The following PTPRN2 variants were observed in gnomAD, a reference collection of about 807,000 sequenced individuals.
The protein encoded by PTPRN2 is protein tyrosine phosphatase receptor type N2.
Under a neutral mutation model 118.8 loss-of-function variants are expected in PTPRN2, and 74 were observed. The observed-to-expected ratio is 0.62, with a 90% confidence interval of 0.52 to 0.76. PTPRN2 has a LOEUF of 0.76. Ranked by LOEUF, PTPRN2 falls within the 30% of genes least tolerant of loss-of-function variation. PTPRN2 has a pLI of 0.00. For synonymous variants in PTPRN2, 641 were observed against 608.0 expected, an observed-to-expected ratio of 1.05 and a Z score of -0.80; for missense variants, 1,481 against 1,394.4, an observed-to-expected ratio of 1.06 and a Z score of -0.99.
intron 14 of PTPRN2, among the ~76,000 whole-genome samples, chr7:157,639,200 C>T (rs1804522708): frequency 6.6e-6 from 1 of 152,040 alleles, no homozygotes; most frequent in African/African-American, 2.4e-5. Flanking sequence ...CCAAATCTAG[C>T]TAAGTTTTGT....
intron 5 of PTPRN2, among the ~76,000 whole-genome samples, chr7:158,185,453 T>C (rs1290195459): frequency 1.3e-5 from 2 of 152,212 alleles, no homozygotes. Context: ...GAGGAGAGTT[T>C]CAATCATTAA....
chr7:158,287,401 G>A (rs545179937), intron 3 of PTPRN2, among the ~76,000 whole-genome samples: 3 of 152,012 alleles, frequency 2.0e-5, no homozygotes, highest in South Asian at 2.1e-4. Context: ...ACCTTGAGGT[G>A]TAATATTAGG....
At chr7:158,329,967 C>T (rs1254161474) in intron 2 of PTPRN2, among the ~76,000 whole-genome samples, 2 of 151,584 alleles carry the variant, frequency 1.3e-5, no homozygotes, top group South Asian at 2.1e-4. Flanking sequence ...TCTTGTATGG[C>T]GACTCTCACC....
At chr7:157,667,788 G>A (rs899829234) in intron 13 of PTPRN2, among the ~76,000 whole-genome samples, 4 of 152,238 alleles carry the variant, frequency 2.6e-5, no homozygotes, top group Non-Finnish European at 5.9e-5. Flanking sequence ...AACCCAGCGC[G>A]TCCGCACCCA....
At chr7:158,042,087 G>T (rs761273005) in intron 11 of PTPRN2, among the ~76,000 whole-genome samples, 1 of 152,152 alleles carries the variant, frequency 6.6e-6, no homozygotes, top group Admixed American at 6.5e-5. Context: ...GGCTGGACAC[G>T]CACTTTCTGC....
rs970507555 is a variant in PTPRN2 at position 157,903,130 on chromosome 7, C to T, written c.1724-4393G>A. 1.3e-4 allele frequency among the ~76,000 whole-genome samples: 20 copies of T among 152,230 alleles called. No homozygotes were observed. The highest frequency in any genetic ancestry group is 7.8e-4 in the Admixed American group (12 of 15,292). Reference sequence around the variant, plus strand: ...AACCAGACATCATCAGAGAGCCACACGCTGCCACACACTCTCGCACGGAAG... The same window carrying T: ...AACCAGACATCATCAGAGAGCCACATGCTGCCACACACTCTCGCACGGAAG... On this transcript the variant is annotated intron_variant, in intron 11 of 22. Transcript: ENST00000389418. This position sits in a 1 kb window ranked among gnomAD's most constrained non-coding sequence, Gnocchi z 4.2.
At chr7:158,164,097 G>C (rs995582220) in intron 6 of PTPRN2, among the ~76,000 whole-genome samples, 3 of 152,220 alleles carry the variant, frequency 2.0e-5, no homozygotes, top group Admixed American at 6.5e-5. Context: ...CGGGAGAGTG[G>C]AGAGAGCACG....
rs1419458897 is a variant in PTPRN2 at position 157,598,688 on chromosome 7, A to C, written c.2419-3373T>G. Reference sequence around the variant, plus strand: ...ACTGTCCGTGAAAACCTGTAAATTTATTAGGTGAACGCCAAGCTGTCAGGC... The same window carrying C: ...ACTGTCCGTGAAAACCTGTAAATTTCTTAGGTGAACGCCAAGCTGTCAGGC... On this transcript the variant is annotated intron_variant, in intron 16 of 22. Transcript: ENST00000389418. The surrounding 1 kb of genome is among the most constrained non-coding windows in gnomAD (Gnocchi z 5.2). Among the ~76,000 whole-genome samples the C allele has an allele frequency of 1.3e-5, 2 of 152,198 alleles. No individual in the cohort carries two copies.
chr7:158,189,281 C>T (rs1422232102), intron 5 of PTPRN2, among the ~76,000 whole-genome samples: 1 of 152,226 alleles, frequency 6.6e-6, no homozygotes, highest in Non-Finnish European at 1.5e-5. Context: ...CGCCTTGTCC[C>T]ACAGGCAAAT....
intron 6 of PTPRN2, among the ~76,000 whole-genome samples, chr7:158,162,138 G>A (rs552207555): frequency 4.6e-5 from 7 of 152,324 alleles, no homozygotes; most frequent in South Asian, 2.1e-4. Context: ...CTGGTGGCAC[G>A]CAGAATGCAG....
At chr7:158,549,546 T>C (rs1563423515) in intron 1 of PTPRN2, among the ~76,000 whole-genome samples, 1 of 152,258 alleles carries the variant, frequency 6.6e-6, no homozygotes, top group African/African-American at 2.4e-5. Flanking sequence ...CTTTGTCTTC[T>C]CCTTTGCAAA....
intron 5 of PTPRN2, among the ~76,000 whole-genome samples, chr7:158,184,781 C>T (rs1585771976): frequency 6.6e-6 from 1 of 151,982 alleles, no homozygotes; most frequent in Non-Finnish European, 1.5e-5. Flanking sequence ...CCACTGCACT[C>T]CAGCCTGGGC....
intron 11 of PTPRN2, among the ~76,000 whole-genome samples, chr7:157,982,985 C>CA (rs1803424367): frequency 3.6e-5 from 1 of 27,512 alleles, no homozygotes; most frequent in Non-Finnish European, 7.8e-5. Flanking sequence ...GGGTCCCCCC[C>CA]AAACCCCGAG....
intron 2 of PTPRN2, among the ~76,000 whole-genome samples, chr7:158,329,700 T>A (rs1036025689): frequency 3.3e-5 from 5 of 152,196 alleles, no homozygotes; most frequent in African/African-American, 1.2e-4. Flanking sequence ...ACACTGCGTA[T>A]TATTATCCCA....
intron 2 of PTPRN2, among the ~76,000 whole-genome samples, chr7:158,350,728 C>T (rs1046344037): frequency 7.9e-5 from 12 of 152,202 alleles, no homozygotes; most frequent in African/African-American, 2.9e-4. Flanking sequence ...GGATCAGTCG[C>T]TCATCACCGG....
chr7:158,245,396 G>A (rs868839625), intron 3 of PTPRN2, among the ~76,000 whole-genome samples: 1 of 152,256 alleles, frequency 6.6e-6, no homozygotes, highest in African/African-American at 2.4e-5. Context: ...CTGGTCAAAC[G>A]GGACTGAGAG....
intron 6 of PTPRN2, among the ~76,000 whole-genome samples, chr7:158,158,397 C>G (rs575527277): frequency 6.6e-6 from 1 of 152,358 alleles, no homozygotes; most frequent in African/African-American, 2.4e-5. Flanking sequence ...GGGCACCCCA[C>G]CAGCCAACGC....
rs987281673 is a variant in PTPRN2 at position 158,525,357 on chromosome 7, C to A, written c.113-35572G>T. Among the ~76,000 whole-genome samples, 1 of 152,222 alleles carries A rather than the reference C, an allele frequency of 6.6e-6. No homozygotes were observed. Among genetic ancestry groups the A allele is most frequent in the Non-Finnish European group, 1.5e-5 (1 of 68,048 alleles). On this transcript the variant is annotated intron_variant, in intron 1 of 22. Coordinates refer to ENST00000389418, the MANE Select transcript of PTPRN2 (RefSeq NM_002847.5). This position sits in a 1 kb window ranked among gnomAD's most constrained non-coding sequence, Gnocchi z 4.1. ...GCAGAAGCTGCAGCAGAAGGTAGCACGGGCAGGATGCTAGGCCCCAGGGGC... is the reference window on the plus strand; with the variant it reads ...GCAGAAGCTGCAGCAGAAGGTAGCAAGGGCAGGATGCTAGGCCCCAGGGGC...
Position 158,189,911 on chromosome 7 carries a change from G to A in PTPRN2, c.549+2416C>T, listed in dbSNP as rs1470844545. The stretch of plus-strand genomic sequence containing the variant: ...TAAATTACCAACGTTCAAGAGGGTG[G>A]GAGAAATGCCAGTTTCCACCGTGCT... On this transcript the variant is annotated intron_variant, in intron 5 of 22. Transcript: ENST00000389418. Among the ~76,000 whole-genome samples the A allele has an allele frequency of 3.9e-5, 6 of 152,272 alleles. No individual in the cohort carries two copies. The East Asian group carries it at 9.7e-4, about 25-fold the overall frequency.
Sources: allele counts gnomAD v4.1 joint callset (sites outside exome capture counted in the v4.1 genomes callset), GRCh38; gene constraint gnomAD v4.1.1; non-coding constraint Gnocchi (gnomAD v3.1); transcripts MANE v1.5; gene names NCBI Gene and HGNC (gene_info 2026-07-23, HGNC 2026-07-21).